SPRY3: variants seen among roughly 807,000 people sequenced by gnomAD.
The protein encoded by SPRY3 is sprouty RTK signaling antagonist 3.
SPRY3 carries 15 observed loss-of-function variants against 20.2 expected under a neutral mutation model. That is an observed-to-expected ratio of 0.74 (90% confidence interval 0.50 to 1.14). The LOEUF (loss-of-function observed/expected upper bound fraction) is 1.14. Among genes scored for constraint, SPRY3 ranks in the 50% most tolerant of loss-of-function variants. SPRY3 has a pLI of 0.00. For synonymous variants in SPRY3, 143 were observed against 136.5 expected (o/e 1.05, Z -0.33); for missense variants, 364 against 363.9 (o/e 1.00, Z 0.00).
At chrX:155,659,697 C>G (rs1292164940) in intron 2 of SPRY3, among the ~76,000 whole-genome samples, 3 of 111,469 alleles carry the variant, frequency 2.7e-5, no homozygotes, top group Non-Finnish European at 5.7e-5. Flanking sequence ...ATGACTGATT[C>G]ATCTTCACTA....
At chrX:155,644,460 G>A (rs782413840) in intron 1 of SPRY3, among the ~76,000 whole-genome samples, 2 of 110,796 alleles carry the variant, frequency 1.8e-5, no homozygotes, top group South Asian at 7.7e-4. Flanking sequence ...GGCAGGTCCC[G>A]AGGTACCATC....
intron 3 of SPRY3, among the ~76,000 whole-genome samples, chrX:155,770,443 G>A (rs1603006605): frequency 6.6e-6 from 1 of 151,986 alleles, no homozygotes; most frequent in Admixed American, 6.6e-5. Context: ...GCAAATTCAG[G>A]GCTACAGAAA....
chrX:155,731,676 A>T (rs1334493777), intron 2 of SPRY3, among the ~76,000 whole-genome samples: 1 of 152,046 alleles, frequency 6.6e-6, no homozygotes, highest in African/African-American at 2.4e-5. Flanking sequence ...TCAAGTTAAC[A>T]AGCTTCTGCA....
chrX:155,746,836 A>G, intron 2 of SPRY3, among the ~76,000 whole-genome samples: 1 of 151,986 alleles, frequency 6.6e-6, no homozygotes, highest in Middle Eastern at 3.2e-3. Context: ...GAATGATGGA[A>G]TGGTCAGGAC....
chrX:155,626,721 A>G lies in SPRY3; in HGVS notation c.-441+14074A>G, dbSNP rs186485911. ...TTTGATACATTTTTAGTTAATTTTT[A>G]TATATGATGAGATGTAAGGGTTCAA... On this transcript the variant is annotated intron_variant, in intron 1 of 3. Transcript: ENST00000675360. 2.7e-5 allele frequency among the ~76,000 whole-genome samples: 3 copies of G among 111,691 alleles called. No homozygotes were observed. The East Asian group carries it at 8.4e-4, about 31-fold the overall frequency.
intron 2 of SPRY3, among the ~76,000 whole-genome samples, chrX:155,766,128 C>T (rs1025250604): frequency 8.5e-5 from 13 of 152,180 alleles, no homozygotes; most frequent in African/African-American, 1.2e-4. Context: ...ATTACACACA[C>T]GCACATACAC....
chrX:155,764,442 T>A (rs2091316576), intron 2 of SPRY3, among the ~76,000 whole-genome samples: 1 of 152,168 alleles, frequency 6.6e-6, no homozygotes, highest in African/African-American at 2.4e-5. Context: ...TGATAGCCTA[T>A]CAAAAATCAC....
Position 155,773,792 on chromosome X carries a change from T to C in SPRY3, c.-80T>C. 2 of 1,493,530 alleles carry C rather than the reference T, an allele frequency of 1.3e-6. No homozygotes were observed. The highest frequency in any genetic ancestry group is 9.0e-7 in the Non-Finnish European group (1 of 1,105,428). The allele number at this position is 1,493,530 out of a possible 1,614,324, so 92.5% of individuals were successfully genotyped here. ...ATTTTCTCATGTGCCCTGAAATCCATGTAACTACAAGGGCTCCTCTTTATC... is the reference window on the plus strand; with the variant it reads ...ATTTTCTCATGTGCCCTGAAATCCACGTAACTACAAGGGCTCCTCTTTATC... On this transcript the variant is annotated 5_prime_UTR_variant, in exon 4 of 4. An upstream start codon of the reference 5' UTR is lost. Transcript: ENST00000675360.
intron 2 of SPRY3, among the ~76,000 whole-genome samples, chrX:155,756,223 A>G (rs747419427): frequency 1.3e-5 from 2 of 152,244 alleles, no homozygotes; most frequent in East Asian, 1.9e-4. Context: ...AGTTTCTGAC[A>G]TTCACAAGGA....
intron 2 of SPRY3, among the ~76,000 whole-genome samples, chrX:155,723,018 T>A (rs2091071337): frequency 6.8e-6 from 1 of 147,674 alleles, no homozygotes; most frequent in Non-Finnish European, 1.5e-5. Flanking sequence ...CACCTATGAG[T>A]GAGAACATGC....
intron 1 of SPRY3, among the ~76,000 whole-genome samples, chrX:155,636,596 T>C (rs2067924358): frequency 9.1e-6 from 1 of 110,028 alleles, no homozygotes; most frequent in Non-Finnish European, 1.9e-5. Context: ...TATGTATGTA[T>C]GTACGTATTA....
intron 2 of SPRY3, among the ~76,000 whole-genome samples, chrX:155,705,925 G>A (rs1449822459): frequency 2.0e-5 from 3 of 151,234 alleles, no homozygotes; most frequent in Non-Finnish European, 4.5e-5. Flanking sequence ...AATTATAGCT[G>A]AACACTTCGA....
At chrX:155,747,882 C>T (rs917201497) in intron 2 of SPRY3, among the ~76,000 whole-genome samples, 5 of 151,494 alleles carry the variant, frequency 3.3e-5, no homozygotes, top group Admixed American at 1.3e-4. Flanking sequence ...TTGTAAAATA[C>T]GAAATGATGC....
intron 2 of SPRY3, among the ~76,000 whole-genome samples, chrX:155,717,623 T>C (rs1436475476): frequency 1.3e-5 from 2 of 152,152 alleles, no homozygotes; most frequent in East Asian, 1.9e-4. Flanking sequence ...GTTCTCATTG[T>C]TCAACTCCCA....
exon 3 of SPRY3, chrX:155,768,124 C>T (rs369052523): frequency 1.3e-5 from 2 of 152,000 alleles, no homozygotes; most frequent in African/African-American, 4.8e-5. Context: ...CATGGATAAA[C>T]CATTTCCTCA....
chrX:155,732,972 C>T (rs1024419401), intron 2 of SPRY3, among the ~76,000 whole-genome samples: 5 of 151,644 alleles, frequency 3.3e-5, no homozygotes, highest in African/African-American at 4.8e-5. Context: ...CTGGGCTCAA[C>T]GGAGATAGAG....
intron 2 of SPRY3, among the ~76,000 whole-genome samples, chrX:155,716,497 C>T (rs2091023474): frequency 6.6e-6 from 1 of 152,104 alleles, no homozygotes; most frequent in Non-Finnish European, 1.5e-5. Context: ...TGTTTTCCCA[C>T]ACATCTCTTA....
intron 2 of SPRY3, among the ~76,000 whole-genome samples, chrX:155,723,268 T>C (rs306923): frequency 0.37 from 56,625 of 151,882 alleles, 7,632 homozygotes; most frequent in South Asian, 0.51. Flanking sequence ...TTTATAGCAG[T>C]ATGATTTATA....
downstream of SPRY3, chrX:155,778,606 T>C (rs2091444166): frequency 6.0e-6 from 1 of 167,060 alleles, no homozygotes; most frequent in Non-Finnish European, 1.5e-5. Flanking sequence ...TTCAACCTTA[T>C]TGATTATATT....
Sources: gnomAD v4.1 joint callset for allele counts (sites outside exome capture counted in the v4.1 genomes callset) on GRCh38, gnomAD v4.1.1 for gene constraint, MANE v1.5 for transcripts, NCBI Gene and HGNC (gene_info 2026-07-23, HGNC 2026-07-21) for gene names.